The following COG6 variants were observed in gnomAD, a reference collection of about 807,000 sequenced individuals.
COG6 encodes the protein component of oligomeric golgi complex 6, also known as conserved oligomeric Golgi complex subunit 6.
In COG6, 74 loss-of-function variants were observed where a neutral mutation model predicts 88.8. The observed-to-expected ratio is 0.83, with a 90% CI of 0.69 to 1.01. The LOEUF is 1.01. Ranked by LOEUF, COG6 falls within the 50% of genes least tolerant of loss-of-function variation. The probability of loss-of-function intolerance (pLI) is 0.00; values close to 1 mark genes in which losing one functional copy is unlikely to be tolerated. For missense variants in COG6, 800 were observed against 797.9 expected (o/e 1.00, Z -0.03); for synonymous variants, 286 against 278.7 (o/e 1.03, Z -0.26).
rs187259618 is a variant in COG6, at chr13:39,777,404, G to T, written c.1827-10931G>T. On this transcript the variant is annotated intron_variant, in intron 18 of 18. Transcript: ENST00000416691. The stretch of plus-strand genomic sequence containing the variant: ...ATAAGAGTTAACTAGGTTAGAAGGG[G>T]GTGTGGAGCTGGAGAGGATAGCTAC... Among the ~76,000 whole-genome samples, 45 of 152,202 alleles carry T rather than the reference G, an allele frequency of 3.0e-4. No individual in the cohort carries two copies. In the Middle Eastern group the frequency reaches 0.017, roughly 58 times the overall value.
At chr13:39,719,943 A>G (rs1389190957) in intron 15 of COG6, 116 bp downstream of exon 15, 1 of 750,096 alleles carries the variant, frequency 1.3e-6, no homozygotes, top group Non-Finnish European at 2.3e-6. Context: ...ATCCCTTGAT[A>G]TCATCTGATG....
rs74044161 is a variant in COG6, at chr13:39,746,970, C to T, written c.1827-3976C>T. On this transcript the variant is annotated intron_variant, in intron 18 of 18. Transcript: ENST00000455146. ...AGGTAGTTTTTTTAAAACAATAACT[C>T]ATTAAAATACTCTTAACTCTCAGTG... Among the ~76,000 whole-genome samples the T allele has an allele frequency of 6.3e-3, 960 of 152,080 alleles. 7 individuals carry two copies. Among genetic ancestry groups the T allele is most frequent in the African/African-American group, 0.022 (898 of 41,502 alleles).
chr13:39,773,551 G>A (rs2138179673), intron 18 of COG6, among the ~76,000 whole-genome samples: 1 of 152,276 alleles, frequency 6.6e-6, no homozygotes, highest in Non-Finnish European at 1.5e-5. Context: ...TTTTAGATTG[G>A]CGGCACCCAT....
intron 18 of COG6, among the ~76,000 whole-genome samples, chr13:39,767,397 G>T (rs1249899449): frequency 6.7e-6 from 1 of 148,552 alleles, no homozygotes; most frequent in Non-Finnish European, 1.5e-5. Context: ...TTAGGTTATT[G>T]TCAGAAATTA....
At chr13:39,758,351 T>C (rs1035789586) in intron 18 of COG6, among the ~76,000 whole-genome samples, 1 of 151,688 alleles carries the variant, frequency 6.6e-6, no homozygotes. Context: ...AGACCCCATC[T>C]CTGCAAAATA....
Position 39,751,381 on chromosome 13 carries a change from G to A in COG6, c.*288G>A, listed in dbSNP as rs1293500063. ...CACTGTATTCAGGAAGCATAAAGTA[G>A]TATGAAAGGTTTGAAGAATTTTTTT... is the stretch of plus-strand genomic sequence containing the variant. On this transcript the variant is annotated 3_prime_UTR_variant, in exon 19 of 19. Coordinates refer to ENST00000455146, the MANE Select transcript of COG6 (RefSeq NM_020751.3). 1.5e-6 allele frequency: 2 copies of A among 1,372,014 alleles called. No homozygotes were observed. Among genetic ancestry groups the A allele is most frequent in the Non-Finnish European group, 1.9e-6 (2 of 1,047,556 alleles). 85.0% of individuals were successfully genotyped at this position (1,372,014 alleles called of 1,614,324 possible). A position where few individuals can be genotyped will look rare whatever the true frequency, so the allele number is the denominator to read the frequency against.
At chr13:39,674,075 A>T in intron 4 of COG6, among the ~76,000 whole-genome samples, 1 of 151,914 alleles carries the variant, frequency 6.6e-6, no homozygotes, top group South Asian at 2.1e-4. Context: ...TTTTTTTTAA[A>T]TTATACTTTA....
chr13:39,683,948 G>A (rs9532417), intron 8 of COG6, among the ~76,000 whole-genome samples: 100,482 of 152,012 alleles, frequency 0.66, 33,435 homozygotes, highest in Admixed American at 0.77. Flanking sequence ...TTCCTTAGCT[G>A]TAAAATGAGG....
At chr13:39,720,612 A>G (rs999740912) in intron 15 of COG6, among the ~76,000 whole-genome samples, 2 of 152,070 alleles carry the variant, frequency 1.3e-5, no homozygotes, top group Non-Finnish European at 2.9e-5. Context: ...AAATAATTCT[A>G]CAGAACTTGT....
rs1879081294 is a variant in COG6 at position 39,725,428 on chromosome 13, C to T, written c.1746+867C>T. ...CTCACTACCACAATGGCCTGACTTT[C>T]ATAGATAGTCCTGTAGGAAGGTTTT... On this transcript the variant is annotated intron_variant, in intron 17 of 18. Coordinates refer to ENST00000455146, the MANE Select transcript of COG6 (RefSeq NM_020751.3). Among the ~76,000 whole-genome samples the T allele has an allele frequency of 5.9e-5, 9 of 151,898 alleles. No individual in the cohort carries two copies. The South Asian group carries it at 1.9e-3, about 31-fold the overall frequency.
In COG6 at chr13:39,751,410, C is replaced by T. The variant is rs1486078770; in HGVS notation, c.*317C>T. ...GAAAGGTTTGAAGAATTTTTTTTTA[C>T]AAGACTAGTTCTAAATTAACAGCTT... On this transcript the variant is annotated 3_prime_UTR_variant, in exon 19 of 19. Coordinates refer to ENST00000455146, the MANE Select transcript of COG6 (RefSeq NM_020751.3). The T allele has an allele frequency of 1.2e-5, 16 of 1,306,970 alleles. No homozygotes were observed. The highest frequency in any genetic ancestry group is 1.0e-4 in the South Asian group (8 of 79,174). 81.0% of individuals were successfully genotyped at this position (1,306,970 alleles called of 1,614,324 possible).
At chr13:39,719,597 C>A in intron 14 of COG6, 63 bp from the exon 15 acceptor site, 1 of 1,477,988 alleles carries the variant, frequency 6.8e-7, no homozygotes, top group Non-Finnish European at 9.4e-7. Flanking sequence ...CATTAAATAT[C>A]ATTAACCCAA....
chr13:39,676,228 C>T (rs547862907), intron 4 of COG6, among the ~76,000 whole-genome samples: 23 of 152,018 alleles, frequency 1.5e-4, no homozygotes, highest in African/African-American at 5.1e-4. Flanking sequence ...TCTCACCATA[C>T]ATAAAAATAA....
chr13:39,720,882 C>G lies in COG6; in HGVS notation c.1584+1055C>G, dbSNP rs531486756. On this transcript the variant is annotated intron_variant, in intron 15 of 18. Coordinates refer to ENST00000455146, the MANE Select transcript of COG6 (RefSeq NM_020751.3). ...TATCTACTGCCACTCCCCCAACCCC[C>G]CTGGATAAGAATATGGTCATACTTA... Among the ~76,000 whole-genome samples, 6 of 152,032 alleles carry G rather than the reference C, an allele frequency of 3.9e-5. No homozygotes were observed. The South Asian group carries it at 1.2e-3, about 32-fold the overall frequency.
At chr13:39,746,862 T>TA (rs758038739) in intron 18 of COG6, among the ~76,000 whole-genome samples, 8 of 152,220 alleles carry the variant, frequency 5.3e-5, no homozygotes, top group Admixed American at 5.2e-4. Flanking sequence ...AAATAACTGA[T>TA]ACGCTTTTAT....
chr13:39,655,890 C>G lies in COG6; in HGVS notation c.153+11C>G. The G allele has an allele frequency of 6.2e-7, 1 of 1,603,206 alleles. No homozygotes were observed. Among genetic ancestry groups the G allele is most frequent in the Admixed American group, 1.7e-5 (1 of 58,936 alleles). ...CTGGACAACGACAAGGTAACCGGGG[C>G]TGGCGGGGCCGGAGTCACAGGTTCC... On this transcript the variant is annotated intron_variant, in intron 1 of 18. Coordinates refer to ENST00000455146, the MANE Select transcript of COG6 (RefSeq NM_020751.3).
At chr13:39,766,210 G>T (rs1205606236) in intron 18 of COG6, among the ~76,000 whole-genome samples, 1 of 152,204 alleles carries the variant, frequency 6.6e-6, no homozygotes, top group Non-Finnish European at 1.5e-5. Context: ...ATGACTCCCA[G>T]CTAACACATT....
chr13:39,665,148 C>A lies in COG6; in HGVS notation c.422C>A (p.Ser141Tyr), dbSNP rs1048525230. The A allele has an allele frequency of 1.3e-6, 2 of 1,528,214 alleles. No homozygotes were observed. Among genetic ancestry groups the A allele is most frequent in the African/African-American group, 2.7e-5 (2 of 73,276 alleles). 94.7% of individuals were successfully genotyped at this position (1,528,214 alleles called of 1,614,324 possible). The change falls in exon 4 of 19, where the codon TCT becomes TAT. Residue 141 changes from serine to tyrosine, a missense_variant. Coordinates refer to ENST00000455146, the MANE Select transcript of COG6 (RefSeq NM_020751.3). ...ATAGTAAAAACCACTAAGCTTCAAT[C>A]TGAAAGGTAAGTTTTTCTTCATACA... ...DLIVKTTKLQSESQKLEIRAQ... is the reference protein window; with the variant it reads ...DLIVKTTKLQYESQKLEIRAQ...
Position 39,676,753 on chromosome 13 carries a change from T to C in COG6, c.429-715T>C, listed in dbSNP as rs1875989172. ...AACTTTATTTATATATTTTCAGTTC[T>C]GAGATACAGAAACCAGGAATGTTGA... On this transcript the variant is annotated intron_variant, in intron 4 of 18. Coordinates refer to ENST00000455146, the MANE Select transcript of COG6 (RefSeq NM_020751.3). Among the ~76,000 whole-genome samples, 3 of 152,302 alleles carry C rather than the reference T, an allele frequency of 2.0e-5. No homozygotes were observed. The South Asian group carries it at 6.2e-4, about 32-fold the overall frequency.
Sources: gnomAD v4.1 joint callset for allele counts (sites outside exome capture counted in the v4.1 genomes callset) on GRCh38, gnomAD v4.1.1 for gene constraint, MANE v1.5 for transcripts, NCBI Gene and HGNC (gene_info 2026-07-23, HGNC 2026-07-21) for gene names.